IQCM: variants seen among roughly 807,000 people sequenced by gnomAD.
IQCM encodes IQ motif containing M, also known as IQ domain-containing protein M.
A neutral mutation model predicts 57.6 loss-of-function variants in IQCM; 45 were observed. The observed-to-expected ratio is 0.78, with a 90% CI of 0.62 to 1.00. IQCM has a LOEUF of 1.00. IQCM is among the 50% of genes least tolerant of loss of function. IQCM has a pLI of 0.00. For synonymous variants in IQCM, 148 were observed against 158.9 expected, an observed-to-expected ratio of 0.93 and a Z score of 0.51; for missense variants, 468 against 511.6, an observed-to-expected ratio of 0.91 and a Z score of 0.82.
intron 8 of IQCM, among the ~76,000 whole-genome samples, chr4:149,606,790 C>A (rs1754822872): frequency 6.6e-6 from 1 of 151,884 alleles, no homozygotes; most frequent in African/African-American, 2.4e-5. Context: ...GCACTAGAGT[C>A]CCTCAATGCA....
intron 5 of IQCM, among the ~76,000 whole-genome samples, chr4:149,723,043 T>C (rs577169971): frequency 9.2e-5 from 14 of 152,032 alleles, no homozygotes; most frequent in Admixed American, 7.2e-4. Context: ...TCTTTTCTTG[T>C]AGTTATTGTA....
At chr4:149,392,551 T>TA (rs1731940006) in intron 13 of IQCM, among the ~76,000 whole-genome samples, 1 of 151,842 alleles carries the variant, frequency 6.6e-6, no homozygotes, top group Non-Finnish European at 1.5e-5. Flanking sequence ...TTTCATTGAG[T>TA]ACATATACAT....
intron 13 of IQCM, among the ~76,000 whole-genome samples, chr4:149,403,894 A>G (rs1027144822): frequency 4.6e-5 from 7 of 152,062 alleles, no homozygotes; most frequent in Non-Finnish European, 8.8e-5. Context: ...AATATTCACA[A>G]CCATATAGCA....
rs1016384985 is a variant in IQCM at position 149,733,322 on chromosome 4, G to A, written c.307C>T (p.Pro103Ser). The A allele has an allele frequency of 1.4e-5, 17 of 1,219,362 alleles. No individual in the cohort carries two copies. The highest frequency in any genetic ancestry group is 1.8e-5 in the African/African-American group (1 of 54,628). 75.5% of individuals were successfully genotyped at this position (1,219,362 alleles called of 1,614,324 possible). Reference sequence around the variant, plus strand: ...GGTTCCTTGAAGGAGATTCGTTGTGGGGGTTCCTGAAGATGCTCGCTTTTG... The same window carrying A: ...GGTTCCTTGAAGGAGATTCGTTGTGAGGGTTCCTGAAGATGCTCGCTTTTG... ...LSKSEHLQEPPQRISFKEPHI... is the reference protein window; with the variant it reads ...LSKSEHLQEPSQRISFKEPHI... Residue 103 changes from proline to serine, a missense_variant, in exon 5 of 14, where the codon CCA (proline) becomes TCA (serine). Transcript: ENST00000636793.
At chr4:149,610,876 T>C (rs1438863592) in intron 8 of IQCM, among the ~76,000 whole-genome samples, 1 of 152,084 alleles carries the variant, frequency 6.6e-6, no homozygotes, top group African/African-American at 2.4e-5. Flanking sequence ...AATGGGATCA[T>C]ATTAAGTTAA....
intron 2 of IQCM, among the ~76,000 whole-genome samples, chr4:149,749,045 A>T (rs1249173805): frequency 1.3e-5 from 2 of 152,204 alleles, no homozygotes; most frequent in Admixed American, 1.3e-4. Flanking sequence ...CTCCCAAAAG[A>T]ATGGCTTCTT....
rs1296293976 is a variant in IQCM, at chr4:149,582,365, T to G, written c.749+5565A>C. Among the ~76,000 whole-genome samples the G allele has an allele frequency of 5.9e-5, 4 of 68,302 alleles. 1 individual carries two copies. The highest frequency in any genetic ancestry group is 1.8e-4 in the African/African-American group (4 of 22,248). 44.8% of individuals were successfully genotyped at this position (68,302 alleles called of 152,430 possible). ...ATATATATATATATATATATATATATATATTTAGTTGAAATAGGCTGAGGG... is the reference window on the plus strand; with the variant it reads ...ATATATATATATATATATATATATAGATATTTAGTTGAAATAGGCTGAGGG... On this transcript the variant is annotated intron_variant, in intron 9 of 13. Transcript: ENST00000636793.
intron 12 of IQCM, among the ~76,000 whole-genome samples, chr4:149,520,353 G>A (rs547348796): frequency 6.6e-6 from 1 of 151,746 alleles, no homozygotes; most frequent in East Asian, 2.0e-4. Context: ...TGAAGAACAC[G>A]TTCCTGTTTT....
chr4:149,462,010 C>T (rs1486355568), intron 12 of IQCM, among the ~76,000 whole-genome samples: 1 of 152,016 alleles, frequency 6.6e-6, no homozygotes, highest in African/African-American at 2.4e-5. Context: ...AAATCAGGTG[C>T]TTTTACAGGC....
intron 12 of IQCM, among the ~76,000 whole-genome samples, chr4:149,520,523 C>T (rs1476499999): frequency 6.6e-6 from 1 of 152,106 alleles, no homozygotes; most frequent in Non-Finnish European, 1.5e-5. Flanking sequence ...TGGCAGAAAG[C>T]TAGCAGTGCT....
chr4:149,505,669 C>G (rs1188980448), intron 12 of IQCM, among the ~76,000 whole-genome samples: 1 of 152,138 alleles, frequency 6.6e-6, no homozygotes, highest in Non-Finnish European at 1.5e-5. Context: ...TATAATCACA[C>G]CATCAAACAT....
intron 13 of IQCM, among the ~76,000 whole-genome samples, chr4:149,417,194 G>GT (rs1307323875): frequency 6.6e-6 from 1 of 152,120 alleles, no homozygotes; most frequent in Non-Finnish European, 1.5e-5. Context: ...GCATAAAATA[G>GT]TTTTTTTCTT....
intron 13 of IQCM, among the ~76,000 whole-genome samples, chr4:149,420,132 C>T (rs376814675): frequency 1.6e-4 from 25 of 152,094 alleles, no homozygotes; most frequent in Middle Eastern, 3.4e-3. Flanking sequence ...CTCTGCAATC[C>T]CATTACTGAG....
intron 13 of IQCM, among the ~76,000 whole-genome samples, chr4:149,430,314 GTTCT>G (rs1256659312): frequency 1.3e-5 from 2 of 151,724 alleles, no homozygotes; most frequent in Non-Finnish European, 2.9e-5. Flanking sequence ...CCCTACCTTG[GTTCT>G]TTAATATTTA....
At chr4:149,451,162 G>A (rs2111403641) in intron 12 of IQCM, among the ~76,000 whole-genome samples, 1 of 151,858 alleles carries the variant, frequency 6.6e-6, no homozygotes, top group South Asian at 2.1e-4. Flanking sequence ...GAGATAGAGA[G>A]TAGAAAGATA....
At chr4:149,588,050 T>A (rs1752798835) in intron 8 of IQCM, 53 bp from the exon 9 acceptor site, 1 of 760,276 alleles carries the variant, frequency 1.3e-6, no homozygotes, top group African/African-American at 1.8e-5. Flanking sequence ...TGTTATCACC[T>A]ATAAAATTTT....
intron 8 of IQCM, among the ~76,000 whole-genome samples, chr4:149,605,863 G>T (rs1285060772): frequency 1.3e-5 from 2 of 152,026 alleles, no homozygotes; most frequent in Non-Finnish European, 2.9e-5. Context: ...CAAGGGAAGA[G>T]TACAGAGCAC....
At chr4:149,481,713 T>TTTTGTTTG (rs1740891569) in intron 12 of IQCM, among the ~76,000 whole-genome samples, 4 of 138,104 alleles carry the variant, frequency 2.9e-5, no homozygotes, top group African/African-American at 1.1e-4. Context: ...TTTTTTTTTT[T>TTTTGTTTG]TTTTTTTTTG....
chr4:149,388,731 TATATATATATGACATATATA>T (rs896230370), intron 13 of IQCM, among the ~76,000 whole-genome samples: 90 of 145,234 alleles, frequency 6.2e-4, no homozygotes, highest in Admixed American at 1.9e-3. Context: ...TTCTCTGACA[TATATATATATGACATATATA>T]ATATATATAT....
Sources: allele counts gnomAD v4.1 joint callset (sites outside exome capture counted in the v4.1 genomes callset), GRCh38; gene constraint gnomAD v4.1.1; transcripts MANE v1.5; gene names NCBI Gene and HGNC (gene_info 2026-07-23, HGNC 2026-07-21).